ELP2: variants seen among roughly 807,000 people sequenced by gnomAD.
The protein encoded by ELP2 is elongator acetyltransferase complex subunit 2, also known as elongator complex protein 2.
ELP2 carries 90 observed loss-of-function variants against 119.2 expected under a neutral mutation model. The ratio of observed to expected loss-of-function variants is 0.75; its 90% CI spans 0.64 to 0.90. The LOEUF (loss-of-function observed/expected upper bound fraction) is 0.90. Among genes scored for constraint, ELP2 ranks in the 40% least tolerant of loss-of-function variants. ELP2 has a pLI of 0.00. For synonymous variants in ELP2, 339 were observed against 331.0 expected (o/e 1.02, Z -0.26); for missense variants, 921 against 967.8 (o/e 0.95, Z 0.64).
intron 20 of ELP2, 60 bp from the exon 21 acceptor site, chr18:36,170,987 T>C (rs973436346): frequency 5.0e-6 from 6 of 1,204,228 alleles, no homozygotes; most frequent in Non-Finnish European, 7.4e-6. Context: ...TTTAGAGCAA[T>C]GACGAAGATA....
intron 1 of ELP2, among the ~76,000 whole-genome samples, chr18:36,131,875 A>AAAG (rs1357369278): frequency 6.6e-6 from 1 of 151,722 alleles, no homozygotes; most frequent in Non-Finnish European, 1.5e-5. Flanking sequence ...GCATATTGAC[A>AAAG]AAGAAGTGTT....
rs1299690166 is a variant in ELP2, at chr18:36,141,136, G to A, written c.524-1G>A. ...GTGAAGCCTGTTTTTTCTTCCCCCA[G>A]TACCAATATTAGCATGTGGCAATGA... On this transcript the variant is annotated splice_acceptor_variant, in intron 5 of 21. Coordinates refer to ENST00000358232, the MANE Select transcript of ELP2 (RefSeq NM_018255.4). LOFTEE classifies it high-confidence loss of function. 6.2e-7 allele frequency: 1 copy of A among 1,613,312 alleles called. No individual in the cohort carries two copies. Among genetic ancestry groups the A allele is most frequent in the Non-Finnish European group, 8.5e-7 (1 of 1,179,370 alleles).
rs149876894 is a variant in ELP2, at chr18:36,151,983, G to A, written c.1126-2867G>A. On this transcript the variant is annotated intron_variant, in intron 11 of 21. Coordinates refer to ENST00000358232, the MANE Select transcript of ELP2 (RefSeq NM_018255.4). The stretch of plus-strand genomic sequence containing the variant: ...TAGCCAGGCTGGTCAACTCCTGACC[G>A]CAAGTGACCCACCTTCCTCAGCCTC... Among the ~76,000 whole-genome samples the A allele has an allele frequency of 4.4e-3, 667 of 150,540 alleles. 8 individuals carry two copies. Among genetic ancestry groups the A allele is most frequent in the African/African-American group, 0.015 (596 of 40,968 alleles).
intron 4 of ELP2, 173 bp downstream of exon 4, chr18:36,138,599 T>C (rs982821828): frequency 1.1e-6 from 1 of 901,690 alleles, no homozygotes; most frequent in African/African-American, 1.7e-5. Context: ...ACCAAGACTT[T>C]TTCATGTAAG....
At chr18:36,174,388 T>C (rs1473563059) in intron 21 of ELP2, 97 bp from the exon 22 acceptor site, 2 of 1,221,546 alleles carry the variant, frequency 1.6e-6, no homozygotes, top group Non-Finnish European at 2.3e-6. Flanking sequence ...GATGCGATTT[T>C]AAAACCTGTA....
chr18:36,136,358 G>A lies in ELP2; in HGVS notation c.269G>A (p.Trp90Ter). 6.2e-7 allele frequency: 1 copy of A among 1,611,238 alleles called. No individual in the cohort carries two copies. Among genetic ancestry groups the A allele is most frequent in the African/African-American group, 1.3e-5 (1 of 74,954 alleles). ...SGGSDNQVIH[W>*]EIEDNQLLKA... ...GGATCTGATAATCAAGTGATTCACT[G>A]GGAAATAGAGGATAATCAGGTGAGT... Residue 90 changes from tryptophan to a stop codon, truncating the protein, a stop_gained, in exon 3 of 22, where the codon TGG becomes TAG. Transcript: ENST00000358232. LOFTEE classifies it high-confidence loss of function.
At chr18:36,141,414 G>T (rs1346180625) in intron 6 of ELP2, 1 of 560,194 alleles carries the variant, frequency 1.8e-6, no homozygotes, top group Non-Finnish European at 3.2e-6. Flanking sequence ...AGTTGTTAGG[G>T]GGAAACAGGT....
At chr18:36,130,627 C>A (rs2089578250) in intron 1 of ELP2, among the ~76,000 whole-genome samples, 1 of 152,152 alleles carries the variant, frequency 6.6e-6, no homozygotes. Flanking sequence ...CGGGACTTCC[C>A]TCGACTTCAC....
intron 1 of ELP2, among the ~76,000 whole-genome samples, chr18:36,131,500 G>A (rs2089625818): frequency 6.6e-6 from 1 of 152,250 alleles, no homozygotes; most frequent in Admixed American, 6.5e-5. Context: ...CCTAAGAGGG[G>A]CGGCCATAGG....
chr18:36,153,543 C>G lies in ELP2; in HGVS notation c.1126-1307C>G, dbSNP rs1004143962. Reference sequence around the variant, plus strand: ...GGTGTTCTCTAATTCAGTTCCAACACTCTCTACCCAGAGATAGTGTCAGAT... The same window carrying G: ...GGTGTTCTCTAATTCAGTTCCAACAGTCTCTACCCAGAGATAGTGTCAGAT... On this transcript the variant is annotated intron_variant, in intron 11 of 21. Transcript: ENST00000358232. 2.6e-5 allele frequency among the ~76,000 whole-genome samples: 4 copies of G among 152,318 alleles called. No homozygotes were observed. In the East Asian group the frequency reaches 7.7e-4, roughly 29 times the overall value.
chr18:36,152,559 A>C (rs1032072613), intron 11 of ELP2, among the ~76,000 whole-genome samples: 1 of 152,216 alleles, frequency 6.6e-6, no homozygotes, highest in African/African-American at 2.4e-5. Context: ...TTGCATACAA[A>C]GCATATTAGC....
At chr18:36,170,471 C>G (rs1355383164) in intron 20 of ELP2, among the ~76,000 whole-genome samples, 2 of 152,088 alleles carry the variant, frequency 1.3e-5, no homozygotes, top group African/African-American at 4.8e-5. Context: ...GCCGTCACGC[C>G]TGGCTCCTTT....
At position 36,156,638 on chromosome 18, in the gene ELP2, A is replaced by C. The variant is rs746691510; in HGVS notation, c.1448A>C (p.Asn483Thr). The C allele has an allele frequency of 1.1e-5, 17 of 1,614,072 alleles. No individual in the cohort carries two copies. The South Asian group carries it at 1.9e-4, about 18-fold the overall frequency. The stretch of plus-strand genomic sequence containing the variant: ...TGTGCCATTACAGGACAATCACTGA[A>C]TCATGTGCTCTGTAATGTGAGTATT... ...NFCAITGQSL[N>T]HVLCNQDSDL... Residue 483 changes from asparagine (N) to threonine (T), a missense_variant, in exon 13 of 22, where the codon AAT becomes ACT. Physicochemically the swap from Asn to Thr is moderately conservative, Grantham distance 65 (BLOSUM62 0). Transcript: ENST00000358232.
At chr18:36,139,203 A>G (rs1369898453) in intron 5 of ELP2, among the ~76,000 whole-genome samples, 1 of 152,218 alleles carries the variant, frequency 6.6e-6, no homozygotes, top group Non-Finnish European at 1.5e-5. Flanking sequence ...GGTCTGGGGT[A>G]AGTTGAAAAA....
chr18:36,170,360 G>T (rs1377986718), intron 20 of ELP2, among the ~76,000 whole-genome samples, 164 bp downstream of exon 20: 2 of 149,702 alleles, frequency 1.3e-5, no homozygotes, highest in Non-Finnish European at 3.0e-5. Context: ...CGCCCAGGCT[G>T]GAATGCAGTG....
At chr18:36,154,186 G>A (rs753465890) in intron 11 of ELP2, among the ~76,000 whole-genome samples, 2 of 150,194 alleles carry the variant, frequency 1.3e-5, no homozygotes, top group Non-Finnish European at 3.0e-5. Flanking sequence ...TAAAGGTTAA[G>A]TTTTAGTCCC....
In ELP2 at chr18:36,160,030, AT is replaced by A. The variant is rs1568013163; in HGVS notation, c.1688+18del. ...GTTCAAAAACTGTAAGTTAAACTGTATTTAGCTCTTTGGTCTGATTCTGTCG... is the reference window on the plus strand; with the variant it reads ...GTTCAAAAACTGTAAGTTAAACTGTATTAGCTCTTTGGTCTGATTCTGTCG... On this transcript the variant is annotated intron_variant, in intron 16 of 21. Coordinates refer to ENST00000358232, the MANE Select transcript of ELP2 (RefSeq NM_018255.4). The A allele has an allele frequency of 1.2e-6, 2 of 1,613,022 alleles. No homozygotes were observed.
chr18:36,172,268 A>G (rs2091104430), intron 21 of ELP2, among the ~76,000 whole-genome samples: 2 of 152,270 alleles, frequency 1.3e-5, no homozygotes, highest in East Asian at 1.9e-4. Context: ...GTCCCCCCCA[A>G]AAAAGTATAA....
chr18:36,146,310 G>A lies in ELP2; in HGVS notation c.1054G>A (p.Asp352Asn). 6.2e-7 allele frequency: 1 copy of A among 1,613,936 alleles called. No homozygotes were observed. The highest frequency in any genetic ancestry group is 8.5e-7 in the Non-Finnish European group (1 of 1,179,804). The change falls in exon 11 of 22, where the codon GAT (aspartate) becomes AAT (asparagine). Residue 352 changes from aspartate to asparagine, a missense_variant. Transcript: ENST00000358232. ...ATTTTATGATTGCCAGTTCAATGAAGATGGCTCCATGATCATTGCTCATGC... is the reference window on the plus strand; with the variant it reads ...ATTTTATGATTGCCAGTTCAATGAAAATGGCTCCATGATCATTGCTCATGC... Reference protein sequence around the residue: ...LGFYDCQFNEDGSMIIAHAFH... With the variant: ...LGFYDCQFNENGSMIIAHAFH...
Sources: allele counts gnomAD v4.1 joint callset (sites outside exome capture counted in the v4.1 genomes callset), GRCh38; gene constraint gnomAD v4.1.1; transcripts MANE v1.5; gene names NCBI Gene and HGNC (gene_info 2026-07-23, HGNC 2026-07-21).